HMCN1: variants seen among roughly 807,000 people sequenced by gnomAD.
The protein encoded by HMCN1 is hemicentin-1.
In HMCN1, 321 loss-of-function variants were observed where a neutral mutation model predicts 625.9. The ratio of observed to expected loss-of-function variants is 0.51; its 90% confidence interval spans 0.47 to 0.56. The LOEUF (loss-of-function observed/expected upper bound fraction) is 0.56, where lower values mean the gene tolerates loss of function less well. Ranked by LOEUF, HMCN1 falls within the 20% of genes least tolerant of loss-of-function variation. The probability of loss-of-function intolerance (pLI) is 0.00; values close to 1 mark genes in which losing one functional copy is unlikely to be tolerated. For missense variants in HMCN1, 6,588 were observed against 6,887.3 expected (o/e 0.96, Z 1.54); for synonymous variants, 2,425 against 2,417.6 (o/e 1.00, Z -0.09).
intron 104 of HMCN1, among the ~76,000 whole-genome samples, chr1:186,180,703 A>G (rs576038256): frequency 1.3e-5 from 2 of 152,176 alleles, no homozygotes; most frequent in South Asian, 4.1e-4. Flanking sequence ...ACTCTTTCAC[A>G]GTAAGGGTCA....
intron 4 of HMCN1, among the ~76,000 whole-genome samples, chr1:185,867,515 G>A (rs983753833): frequency 1.3e-5 from 2 of 152,176 alleles, no homozygotes; most frequent in African/African-American, 2.4e-5. Context: ...AAGTGAGGAA[G>A]AATAGCATTC....
At chr1:186,079,170 A>G (rs1256642784) in intron 55 of HMCN1, among the ~76,000 whole-genome samples, 1 of 151,748 alleles carries the variant, frequency 6.6e-6, no homozygotes, top group African/African-American at 2.4e-5. Context: ...GCTCTCTTAC[A>G]CTGTCCCCCT....
intron 17 of HMCN1, 90 bp from the exon 18 acceptor site, chr1:185,982,172 A>G (rs1000642545): frequency 7.1e-6 from 9 of 1,272,564 alleles, no homozygotes; most frequent in African/African-American, 1.5e-5. Context: ...CTTTTATAGC[A>G]TAACTAACAG....
At chr1:186,037,327 C>T (rs970834437) in intron 36 of HMCN1, among the ~76,000 whole-genome samples, 11 of 152,188 alleles carry the variant, frequency 7.2e-5, no homozygotes, top group South Asian at 2.1e-4. Flanking sequence ...TTATGCCTCT[C>T]GGACTTTACG....
At chr1:186,118,788 G>A (rs1661252720) in intron 77 of HMCN1, among the ~76,000 whole-genome samples, 1 of 152,196 alleles carries the variant, frequency 6.6e-6, no homozygotes, top group Non-Finnish European at 1.5e-5. Flanking sequence ...TTTATATGAA[G>A]TGTTCAGAAA....
At chr1:185,884,940 G>A (rs1664540205) in intron 4 of HMCN1, among the ~76,000 whole-genome samples, 1 of 151,904 alleles carries the variant, frequency 6.6e-6, no homozygotes, top group African/African-American at 2.4e-5. Flanking sequence ...GTATAAACTG[G>A]TAAAATAGTA....
At chr1:186,033,776 C>G (rs1285319317) in intron 36 of HMCN1, among the ~76,000 whole-genome samples, 1 of 151,848 alleles carries the variant, frequency 6.6e-6, no homozygotes, top group Non-Finnish European at 1.5e-5. Flanking sequence ...GCCATGCTAT[C>G]TTGTTTCTTA....
rs1207800198 is a variant in HMCN1 at position 186,190,881 on chromosome 1, A to G, written c.*1003A>G. On this transcript the variant is annotated 3_prime_UTR_variant, in exon 107 of 107. Transcript: ENST00000271588. The stretch of plus-strand genomic sequence containing the variant: ...AATATCTTGATGGACTCTTTTATAA[A>G]ATTATTTTATAAAAAACAATGTTAC... 1.6e-5 allele frequency: 3 copies of G among 184,542 alleles called. No homozygotes were observed. The highest frequency in any genetic ancestry group is 7.0e-5 in the African/African-American group (3 of 42,684). 11.4% of individuals were successfully genotyped at this position (184,542 alleles called of 1,614,324 possible). A position where few individuals can be genotyped will look rare whatever the true frequency, so the allele number is the denominator to read the frequency against.
In HMCN1 at chr1:186,112,916, A is replaced by G. The variant is rs759865477; in HGVS notation, c.11094A>G (p.Ala3698=). 6 of 1,614,120 alleles carry G rather than the reference A, an allele frequency of 3.7e-6. No individual in the cohort carries two copies. Among genetic ancestry groups the G allele is most frequent in the Non-Finnish European group, 5.1e-6 (6 of 1,179,970 alleles). Residue 3698 remains alanine, a synonymous_variant, in exon 72 of 107, where the codon GCA becomes GCG. Transcript: ENST00000271588. ...ATACCTGTGTTGCCAGCAACATTGC[A>G]GGAAAGACTACAAGAGAATTTATTC... ...ANYTCVASNI[A]GKTTREFILT... is the part of the protein sequence containing the mutation.
At chr1:186,171,017 G>A (rs1310559623) in intron 100 of HMCN1, among the ~76,000 whole-genome samples, 1 of 152,196 alleles carries the variant, frequency 6.6e-6, no homozygotes, top group Non-Finnish European at 1.5e-5. Flanking sequence ...ATCCCAGTCT[G>A]TCAGTAACAT....
intron 11 of HMCN1, among the ~76,000 whole-genome samples, chr1:185,951,211 A>G (rs528834789): frequency 0.024 from 3,684 of 150,882 alleles, 70 homozygotes; most frequent in African/African-American, 0.08. Context: ...GCAATGAGAT[A>G]TAGCTGTAGT....
intron 11 of HMCN1, among the ~76,000 whole-genome samples, chr1:185,955,237 A>G (rs1213155595): frequency 6.6e-6 from 1 of 152,084 alleles, no homozygotes; most frequent in Non-Finnish European, 1.5e-5. Flanking sequence ...TATTGTTTTA[A>G]CTGTTCATTC....
chr1:185,961,672 A>G (rs1650034818), intron 11 of HMCN1, among the ~76,000 whole-genome samples: 1 of 152,246 alleles, frequency 6.6e-6, no homozygotes, highest in Admixed American at 6.5e-5. Context: ...GTAATCTATT[A>G]AAACAAATAT....
chr1:185,948,837 T>C (rs1668487011), intron 11 of HMCN1, among the ~76,000 whole-genome samples: 1 of 151,720 alleles, frequency 6.6e-6, no homozygotes, highest in Admixed American at 6.6e-5. Context: ...GCGATGTTTC[T>C]CAGGGCTGCT....
In HMCN1 at chr1:185,811,498, G is replaced by A. The variant is rs78204405; in HGVS notation, c.269-34528G>A. On this transcript the variant is annotated intron_variant, in intron 1 of 106. Transcript: ENST00000271588. ...TGTAAGTCCCAGCTGCTTAGGAGGC[G>A]GAGGTGGGAAGGATTGCTTAGGCAC... 1.6e-3 allele frequency among the ~76,000 whole-genome samples: 245 copies of A among 152,164 alleles called. 1 individual carries two copies. Among genetic ancestry groups the A allele is most frequent in the African/African-American group, 5.3e-3 (220 of 41,528 alleles).
At chr1:186,024,550 C>G (rs777969145) in intron 36 of HMCN1, among the ~76,000 whole-genome samples, 1 of 152,150 alleles carries the variant, frequency 6.6e-6, no homozygotes, top group Admixed American at 6.5e-5. Flanking sequence ...ATGATACAAT[C>G]ATCTTAGGCG....
rs1392746132 is a variant in HMCN1, at chr1:186,090,847, A to G, written c.9817A>G (p.Ile3273Val). 3.1e-6 allele frequency: 5 copies of G among 1,612,642 alleles called. No homozygotes were observed. The South Asian group carries it at 5.5e-5, about 18-fold the overall frequency. ...NVELVCNANG[I>V]PTPLIQWLKD... Reference sequence around the variant, plus strand: ...TGAGCTGGTCTGCAATGCAAATGGCATTCCTACTCCACTTATTCAATGGCT... The same window carrying G: ...TGAGCTGGTCTGCAATGCAAATGGCGTTCCTACTCCACTTATTCAATGGCT... Residue 3273 changes from isoleucine (I) to valine (V), a missense_variant, in exon 64 of 107, where the codon ATT becomes GTT. Around this residue, in one of 3 missense-constraint regions of HMCN1, gnomAD observed 4,628 missense variants for 4,853.1 expected, o/e 0.95. Transcript: ENST00000271588.
Position 186,017,025 on chromosome 1 carries a change from C to T in HMCN1, c.5254C>T (p.Leu1752=), listed in dbSNP as rs746214950. 6.2e-6 allele frequency: 10 copies of T among 1,609,942 alleles called. No individual in the cohort carries two copies. The African/African-American group carries it at 9.4e-5, about 15-fold the overall frequency. Residue 1752 remains leucine (L), a synonymous_variant, in exon 33 of 107, where the codon CTG becomes TTG. Transcript: ENST00000271588. ...CTTCATTGTGATGGTTAATAACTTA[C>T]TGGAGCTAGATTGTCATGTGACAGG... ...SYFIVMVNNL[L]ELDCHVTGSP...
intron 11 of HMCN1, among the ~76,000 whole-genome samples, chr1:185,952,617 G>A (rs369131940): frequency 2.6e-5 from 4 of 151,664 alleles, no homozygotes; most frequent in South Asian, 2.1e-4. Context: ...GCCATTTTCC[G>A]GCTATTTGGA....
Sources: allele counts gnomAD v4.1 joint callset (sites outside exome capture counted in the v4.1 genomes callset), GRCh38; gene constraint gnomAD v4.1.1; regional missense constraint gnomAD v4.1.1; transcripts MANE v1.5; gene names NCBI Gene and HGNC (gene_info 2026-07-23, HGNC 2026-07-21).